The following DSTN variants were observed in gnomAD, a reference collection of about 807,000 sequenced individuals.
DSTN encodes destrin, actin depolymerizing factor.
Under a neutral mutation model 16.8 loss-of-function variants are expected in DSTN, and 10 were observed. That is an observed-to-expected ratio of 0.60 (90% CI 0.37 to 1.01). The LOEUF is 1.01. DSTN is among the 50% of genes least tolerant of loss of function. DSTN has a pLI of 0.01. For synonymous variants in DSTN, 57 were observed against 58.9 expected (o/e 0.97, Z 0.14); for missense variants, 141 against 196.7 (o/e 0.72, Z 1.69).
In DSTN at chr20:17,570,201, C is replaced by T. The variant is rs1329718247; in HGVS notation, c.-8C>T. 1.3e-6 allele frequency: 2 copies of T among 1,519,218 alleles called. No homozygotes were observed. Among genetic ancestry groups the T allele is most frequent in the Middle Eastern group, 2.2e-4 (1 of 4,576 alleles). The allele number at this position is 1,519,218 out of a possible 1,614,324, so 94.1% of individuals were successfully genotyped here. ...CTCCCCCGCGTCCCTGCGACCGCCGCGGCGAAGATGGTGAGTAGGAGGGAG... is the reference window on the plus strand; with the variant it reads ...CTCCCCCGCGTCCCTGCGACCGCCGTGGCGAAGATGGTGAGTAGGAGGGAG... On this transcript the variant is annotated 5_prime_UTR_variant, in exon 1 of 4. Coordinates refer to ENST00000246069, the MANE Select transcript of DSTN (RefSeq NM_006870.4).
chr20:17,584,733 T>C (rs916865537), intron 1 of DSTN, among the ~76,000 whole-genome samples: 9 of 152,008 alleles, frequency 5.9e-5, no homozygotes, highest in African/African-American at 2.2e-4. Flanking sequence ...AGTTATAGCC[T>C]CACTTTTAGA....
At chr20:17,604,015 G>A (rs769492126) in intron 2 of DSTN, among the ~76,000 whole-genome samples, 20 of 152,014 alleles carry the variant, frequency 1.3e-4, no homozygotes, top group Non-Finnish European at 2.5e-4. Context: ...TTTTTTTTAA[G>A]TTTTTGATTT....
rs1218695731 is a variant in DSTN at position 17,607,580 on chromosome 20, A to G, written c.*434A>G. 2 of 155,384 alleles carry G rather than the reference A, an allele frequency of 1.3e-5. No homozygotes were observed. The highest frequency in any genetic ancestry group is 2.8e-5 in the Non-Finnish European group (2 of 70,268). 9.6% of individuals were successfully genotyped at this position (155,384 alleles called of 1,614,324 possible). A position where few individuals can be genotyped will look rare whatever the true frequency, so the allele number is the denominator to read the frequency against. On this transcript the variant is annotated 3_prime_UTR_variant, in exon 4 of 4. Transcript: ENST00000246069. ...GAGCTAAGCAGAATAATGGAATATA[A>G]TATGTCTTCATAATATAACAACACT...
intron 3 of DSTN, among the ~76,000 whole-genome samples, chr20:17,606,172 T>A (rs2035641014): frequency 1.3e-5 from 2 of 152,118 alleles, no homozygotes; most frequent in Non-Finnish European, 2.9e-5. Flanking sequence ...ACTGTCTTTC[T>A]CAGATCAGTC....
In DSTN at chr20:17,574,308, C is replaced by T. The variant is rs936304969; in HGVS notation, c.3+4097C>T. Among the ~76,000 whole-genome samples, 5 of 152,194 alleles carry T rather than the reference C, an allele frequency of 3.3e-5. 1 individual carries two copies. The South Asian group carries it at 6.2e-4, about 19-fold the overall frequency. On this transcript the variant is annotated intron_variant, in intron 1 of 3. Coordinates refer to ENST00000246069, the MANE Select transcript of DSTN (RefSeq NM_006870.4). The stretch of plus-strand genomic sequence containing the variant: ...TCCAGGCCCCTTAGCCAGCTAATTA[C>T]CAGAAGTTCAATACTCTCTGTTAAT...
intron 1 of DSTN, among the ~76,000 whole-genome samples, chr20:17,593,815 A>G (rs1351543631): frequency 6.6e-6 from 1 of 152,164 alleles, no homozygotes; most frequent in African/African-American, 2.4e-5. Context: ...GTGGTGGCTC[A>G]TACCTGTAGT....
chr20:17,602,628 C>T (rs16999464), intron 2 of DSTN, among the ~76,000 whole-genome samples: 3,591 of 152,272 alleles, frequency 0.024, 126 homozygotes, highest in African/African-American at 0.082. Context: ...TAACAAGCTC[C>T]GCCCATGGCC....
intron 1 of DSTN, chr20:17,591,986 G>A (rs2035474643): frequency 1.0e-6 from 1 of 985,502 alleles, no homozygotes; most frequent in Non-Finnish European, 1.2e-6. Context: ...AGCGTATTGA[G>A]AGGAGATACA....
At position 17,600,899 on chromosome 20, in the gene DSTN, C is replaced by T. The variant is rs1418879326; in HGVS notation, c.165C>T (p.Ile55=). Residue 55 remains isoleucine (I), a synonymous_variant, in exon 2 of 4, where the codon ATC becomes ATT. Coordinates refer to ENST00000246069, the MANE Select transcript of DSTN (RefSeq NM_006870.4). ...KCIIVEEGKE[I]LVGDVGVTIT... The stretch of plus-strand genomic sequence containing the variant: ...TCATTGTAGAAGAAGGCAAAGAGAT[C>T]TTGGTTGGAGATGTTGGTGTAACCA... 1 of 1,613,874 alleles carries T rather than the reference C, an allele frequency of 6.2e-7. No homozygotes were observed. Among genetic ancestry groups the T allele is most frequent in the Admixed American group, 1.7e-5 (1 of 60,006 alleles).
rs12624325 is a variant in DSTN at position 17,581,142 on chromosome 20, T to C, written c.3+10931T>C. On this transcript the variant is annotated intron_variant, in intron 1 of 3. Transcript: ENST00000246069. ...TGGAGCGAGATATGATTTATCCCTG[T>C]GGTTGATGTGTAGAGACATACAAAT... is the stretch of plus-strand genomic sequence containing the variant. 6.2e-3 allele frequency among the ~76,000 whole-genome samples: 938 copies of C among 152,246 alleles called. 23 individuals carry two copies. The East Asian group carries it at 0.082, about 13-fold the overall frequency.
chr20:17,600,879 G>A lies in DSTN; in HGVS notation c.145G>A (p.Val49Ile). The A allele has an allele frequency of 6.2e-7, 1 of 1,613,874 alleles. No homozygotes were observed. Among genetic ancestry groups the A allele is most frequent in the East Asian group, 2.2e-5 (1 of 44,856 alleles). Residue 49 changes from valine (V) to isoleucine (I), a missense_variant, in exon 2 of 4, where the codon GTA becomes ATA. Physicochemically the swap from Val to Ile is conservative, Grantham distance 29 (BLOSUM62 3). Coordinates refer to ENST00000246069, the MANE Select transcript of DSTN (RefSeq NM_006870.4). The stretch of plus-strand genomic sequence containing the variant: ...CAGTGCAGACAAAAAGTGCATCATT[G>A]TAGAAGAAGGCAAAGAGATCTTGGT... ...CLSADKKCII[V>I]EEGKEILVGD... is the part of the protein sequence containing the mutation.
At chr20:17,581,852 A>G (rs1026819408) in intron 1 of DSTN, among the ~76,000 whole-genome samples, 1 of 152,228 alleles carries the variant, frequency 6.6e-6, no homozygotes, top group Non-Finnish European at 1.5e-5. Context: ...TGATTATATA[A>G]AAGTAGTATA....
intron 1 of DSTN, among the ~76,000 whole-genome samples, chr20:17,579,256 T>G (rs1369387312): frequency 6.6e-6 from 1 of 152,074 alleles, no homozygotes; most frequent in African/African-American, 2.4e-5. Context: ...CACAACAGTA[T>G]GAATGATGCA....
chr20:17,571,443 A>T (rs539952284), intron 1 of DSTN, among the ~76,000 whole-genome samples: 42 of 152,354 alleles, frequency 2.8e-4, no homozygotes, highest in African/African-American at 1.0e-3. Flanking sequence ...GACTGTAGAT[A>T]TGTATGTAAT....
chr20:17,570,937 A>G (rs560049280), intron 1 of DSTN, among the ~76,000 whole-genome samples: 5 of 152,228 alleles, frequency 3.3e-5, no homozygotes, highest in African/African-American at 9.6e-5. Context: ...TCTGACCTGT[A>G]GACAGTTGGA....
chr20:17,596,248 C>T (rs562240650), intron 1 of DSTN, among the ~76,000 whole-genome samples: 2 of 151,894 alleles, frequency 1.3e-5, no homozygotes, highest in Non-Finnish European at 2.9e-5. Flanking sequence ...TTTACGTACT[C>T]AGTGGTGAGA....
intron 1 of DSTN, among the ~76,000 whole-genome samples, chr20:17,597,575 T>G (rs1290310802): frequency 6.6e-6 from 1 of 152,198 alleles, no homozygotes; most frequent in Non-Finnish European, 1.5e-5. Flanking sequence ...ATAACATACA[T>G]TCTACCCATT....
chr20:17,595,519 A>G (rs2035516790), intron 1 of DSTN, among the ~76,000 whole-genome samples: 3 of 151,958 alleles, frequency 2.0e-5, no homozygotes, highest in Non-Finnish European at 2.9e-5. Context: ...GATTAAGATT[A>G]TCTCCTCTGG....
chr20:17,572,323 C>A (rs1331638272), intron 1 of DSTN, among the ~76,000 whole-genome samples: 2 of 152,192 alleles, frequency 1.3e-5, no homozygotes, highest in African/African-American at 4.8e-5. Flanking sequence ...CAATTACAGA[C>A]CCCAAACAAA....
Sources: allele counts gnomAD v4.1 joint callset (sites outside exome capture counted in the v4.1 genomes callset), GRCh38; gene constraint gnomAD v4.1.1; transcripts MANE v1.5; gene names NCBI Gene and HGNC (gene_info 2026-07-23, HGNC 2026-07-21).